Variants in TMEM132B observed in about 807,000 individuals in gnomAD.
The protein encoded by TMEM132B is transmembrane protein 132B.
A neutral mutation model predicts 90.8 loss-of-function variants in TMEM132B; 18 were observed. That is an observed-to-expected ratio of 0.20 (90% CI 0.14 to 0.29). TMEM132B has a LOEUF of 0.29. Among genes scored for constraint, TMEM132B ranks in the 10% least tolerant of loss-of-function variants. The probability of loss-of-function intolerance (pLI) is 1.00; values close to 1 mark genes in which losing one functional copy is unlikely to be tolerated. For synonymous variants in TMEM132B, 504 were observed against 523.3 expected (o/e 0.96, Z 0.50); for missense variants, 1,096 against 1,326.8 (o/e 0.83, Z 2.70).
At chr12:125,418,843 C>T (rs1880094433) in intron 3 of TMEM132B, among the ~76,000 whole-genome samples, 1 of 152,030 alleles carries the variant, frequency 6.6e-6, no homozygotes, top group Non-Finnish European at 1.5e-5. Context: ...AGATGAAAAC[C>T]ACAAGATAAA....
At chr12:125,197,886 A>T (rs1872960560) in intron 1 of TMEM132B, among the ~76,000 whole-genome samples, 1 of 152,256 alleles carries the variant, frequency 6.6e-6, no homozygotes, top group South Asian at 2.1e-4. Flanking sequence ...ATGCTTTTGA[A>T]TGAGTAGGTT....
In TMEM132B at chr12:125,408,040, C is replaced by T. The variant is rs920833578; in HGVS notation, c.960-7491C>T. On this transcript the variant is annotated intron_variant, in intron 2 of 8. Coordinates refer to ENST00000682704, the MANE Select transcript of TMEM132B (RefSeq NM_001366854.1). This position sits in a 1 kb window ranked among gnomAD's most constrained non-coding sequence, Gnocchi z 5.9. ...CAGCAGGACTCCACTCAGTGACTGC[C>T]TCTACCACAGGGCGGCCACTGTGCA... Among the ~76,000 whole-genome samples, 8 of 152,216 alleles carry T rather than the reference C, an allele frequency of 5.3e-5. No homozygotes were observed. Among genetic ancestry groups the T allele is most frequent in the African/African-American group, 1.4e-4 (6 of 41,466 alleles).
At chr12:125,206,590 T>G (rs1267706474) in intron 1 of TMEM132B, among the ~76,000 whole-genome samples, 1 of 152,030 alleles carries the variant, frequency 6.6e-6, no homozygotes, top group Non-Finnish European at 1.5e-5. Flanking sequence ...CTGGACAGCG[T>G]GCTTGGTGTG....
chr12:125,433,692 A>G (rs1171112304), intron 3 of TMEM132B, among the ~76,000 whole-genome samples: 1 of 114,346 alleles, frequency 8.7e-6, no homozygotes, highest in Admixed American at 1.2e-4. Context: ...ATTATTCACA[A>G]TAGCAAAGAC....
intron 3 of TMEM132B, among the ~76,000 whole-genome samples, chr12:125,429,262 T>C (rs1880425347): frequency 6.6e-6 from 1 of 151,934 alleles, no homozygotes; most frequent in African/African-American, 2.4e-5. Flanking sequence ...TGCAGTGGCA[T>C]GATCTTGGCT....
intron 1 of TMEM132B, among the ~76,000 whole-genome samples, chr12:125,303,139 ACTC>A (rs1194274307): frequency 6.6e-6 from 1 of 150,940 alleles, no homozygotes; most frequent in Non-Finnish European, 1.5e-5. Flanking sequence ...TTAAGCAAAA[ACTC>A]CTCATTTCTC....
rs1877465618 is a variant in TMEM132B, at chr12:125,349,166, C to T, written c.68-286C>T. Among the ~76,000 whole-genome samples the T allele has an allele frequency of 2.0e-5, 3 of 152,262 alleles. No individual in the cohort carries two copies. Among genetic ancestry groups the T allele is most frequent in the South Asian group, 2.1e-4 (1 of 4,828 alleles). ...CCATGATCTTTTGAGTTTATGATTTCGCACAAGCAGCAGAAGCAATGTTTT... is the reference window on the plus strand; with the variant it reads ...CCATGATCTTTTGAGTTTATGATTTTGCACAAGCAGCAGAAGCAATGTTTT... On this transcript the variant is annotated intron_variant, in intron 1 of 8. Coordinates refer to ENST00000682704, the MANE Select transcript of TMEM132B (RefSeq NM_001366854.1). This position sits in a 1 kb window ranked among gnomAD's most constrained non-coding sequence, Gnocchi z 4.1.
At chr12:125,293,485 T>C (rs910865152) in intron 1 of TMEM132B, among the ~76,000 whole-genome samples, 1 of 152,162 alleles carries the variant, frequency 6.6e-6, no homozygotes, top group African/African-American at 2.4e-5. Flanking sequence ...GCGTCTATTG[T>C]TTTCATCTTT....
intron 3 of TMEM132B, among the ~76,000 whole-genome samples, chr12:125,431,004 T>G (rs1380074612): frequency 1.3e-5 from 2 of 151,766 alleles, no homozygotes; most frequent in Admixed American, 6.6e-5. Context: ...CCCAGTATGG[T>G]CAGGGGTTGA....
chr12:125,514,572 T>G, intron 3 of TMEM132B, among the ~76,000 whole-genome samples: 1 of 152,210 alleles, frequency 6.6e-6, no homozygotes, highest in Admixed American at 6.5e-5. Context: ...TTGTCCCATT[T>G]TTAGAATTCC....
chr12:125,367,193 G>A (rs1035886877), intron 2 of TMEM132B, among the ~76,000 whole-genome samples: 2 of 152,068 alleles, frequency 1.3e-5, no homozygotes, highest in Non-Finnish European at 2.9e-5. Context: ...TTTCACTCTG[G>A]AATGGGTCTC....
chr12:125,451,022 A>G (rs1352091683), intron 3 of TMEM132B, among the ~76,000 whole-genome samples: 1 of 152,140 alleles, frequency 6.6e-6, no homozygotes, highest in Non-Finnish European at 1.5e-5. Flanking sequence ...GTACTCTTCA[A>G]AAGTGTCAAT....
At chr12:125,622,533 A>AGGCC (rs1886135488) in intron 5 of TMEM132B, 5 of 957,116 alleles carry the variant, frequency 5.2e-6, no homozygotes, top group Non-Finnish European at 6.1e-6. Context: ...GACTGCGTGG[A>AGGCC]GGCCATGCTT....
chr12:125,426,462 C>T (rs911369649), intron 3 of TMEM132B, among the ~76,000 whole-genome samples: 2 of 152,136 alleles, frequency 1.3e-5, no homozygotes, highest in Non-Finnish European at 2.9e-5. Flanking sequence ...TTCTAATTCT[C>T]AAGATGGCTG....
chr12:125,192,991 G>T (rs895129576), intron 1 of TMEM132B, among the ~76,000 whole-genome samples: 1 of 152,136 alleles, frequency 6.6e-6, no homozygotes, highest in African/African-American at 2.4e-5. Context: ...AAACAACAAC[G>T]GCGTGCTGAT....
chr12:125,636,678 A>G (rs1886489167), intron 5 of TMEM132B, among the ~76,000 whole-genome samples: 1 of 152,144 alleles, frequency 6.6e-6, no homozygotes, highest in Non-Finnish European at 1.5e-5. Context: ...CCTGATTGAC[A>G]GTTTTTATTA....
intron 2 of TMEM132B, among the ~76,000 whole-genome samples, chr12:125,405,900 G>A (rs1274435380): frequency 1.3e-5 from 2 of 152,206 alleles, no homozygotes; most frequent in South Asian, 2.1e-4. Context: ...GTGGCGCTAG[G>A]ATGCACATGG....
At chr12:125,524,064 A>G (rs943576800) in intron 4 of TMEM132B, among the ~76,000 whole-genome samples, 4 of 152,200 alleles carry the variant, frequency 2.6e-5, no homozygotes, top group Non-Finnish European at 5.9e-5. Context: ...GGAGACCCGA[A>G]GTCAAAGCCC....
chr12:125,209,741 T>G lies in TMEM132B; in HGVS notation c.67+22875T>G, dbSNP rs1311404861. Among the ~76,000 whole-genome samples, 1 of 152,202 alleles carries G rather than the reference T, an allele frequency of 6.6e-6. No homozygotes were observed. The highest frequency in any genetic ancestry group is 1.5e-5 in the Non-Finnish European group (1 of 68,034). ...TCCATGAGTTTCCTTTGTTATCTGA[T>G]GGAATGCAAGGGTTACTAATTTTAT... On this transcript the variant is annotated intron_variant, in intron 1 of 8. Coordinates refer to ENST00000682704, the MANE Select transcript of TMEM132B (RefSeq NM_001366854.1). This position sits in a 1 kb window ranked among gnomAD's most constrained non-coding sequence, Gnocchi z 4.4.
Sources: gnomAD v4.1 joint callset for allele counts (sites outside exome capture counted in the v4.1 genomes callset) on GRCh38, gnomAD v4.1.1 for gene constraint, Gnocchi (gnomAD v3.1) non-coding constraint, MANE v1.5 for transcripts, NCBI Gene and HGNC (gene_info 2026-07-23, HGNC 2026-07-21) for gene names.